Variants in SGCD observed in about 807,000 individuals in gnomAD.
The protein encoded by SGCD is sarcoglycan delta.
A neutral mutation model predicts 36.6 loss-of-function variants in SGCD; 18 were observed. The observed-to-expected ratio is 0.49, with a 90% confidence interval of 0.34 to 0.73. SGCD has a LOEUF of 0.73. Ranked by LOEUF, SGCD falls within the 30% of genes least tolerant of loss-of-function variation. The probability of loss-of-function intolerance (pLI) is 0.01; values close to 1 mark genes in which losing one functional copy is unlikely to be tolerated. For synonymous variants in SGCD, 133 were observed against 130.6 expected, an observed-to-expected ratio of 1.02 and a Z score of -0.12; for missense variants, 387 against 346.7, an observed-to-expected ratio of 1.12 and a Z score of -0.92.
intron 3 of SGCD, among the ~76,000 whole-genome samples, chr5:156,288,090 A>T (rs1766659791): frequency 6.6e-6 from 1 of 152,208 alleles, no homozygotes; most frequent in Admixed American, 6.5e-5. Flanking sequence ...CTTGAGACTT[A>T]TCATGTTCTT....
At chr5:156,326,949 G>C (rs1462233276), upstream of SGCD, 1 of 152,322 alleles carries the variant, frequency 6.6e-6, no homozygotes, top group Non-Finnish European at 1.5e-5. Context: ...GCTGGAGACA[G>C]CCCAGTAGCT....
the SGCD span, among the ~76,000 whole-genome samples, chr5:155,785,770 A>G: frequency 6.6e-6 from 1 of 152,200 alleles, no homozygotes; most frequent in African/African-American, 2.4e-5. Context: ...CTTTAAAAAT[A>G]CCCTGCTAGT....
chr5:156,594,374 A>G (rs1175905643), intron 5 of SGCD, among the ~76,000 whole-genome samples: 1 of 152,184 alleles, frequency 6.6e-6, no homozygotes, highest in African/African-American at 2.4e-5. Context: ...AGATTGAACA[A>G]CTTCTAAGGC....
chr5:156,502,103 G>A (rs1322878601), intron 3 of SGCD, among the ~76,000 whole-genome samples: 6 of 148,770 alleles, frequency 4.0e-5, no homozygotes, highest in Admixed American at 3.4e-4. Flanking sequence ...CTGGAGTGCA[G>A]TGGCACAATA....
intron 3 of SGCD, among the ~76,000 whole-genome samples, chr5:156,309,101 A>T (rs898666284): frequency 1.2e-4 from 18 of 151,980 alleles, no homozygotes; most frequent in African/African-American, 4.4e-4. Flanking sequence ...TGACAGTTTG[A>T]TTGTAATTTC....
chr5:156,737,493 T>C (rs897395330), intron 7 of SGCD, among the ~76,000 whole-genome samples: 2 of 152,180 alleles, frequency 1.3e-5, no homozygotes. Flanking sequence ...TTTAAAAAAT[T>C]AAGCTTGAGT....
chr5:155,911,614 T>C (rs1756631360), intron 1 of SGCD, among the ~76,000 whole-genome samples: 1 of 152,094 alleles, frequency 6.6e-6, no homozygotes, highest in Admixed American at 6.6e-5. Flanking sequence ...ATTCTACTTA[T>C]TTTGCTACTT....
At chr5:156,145,387 A>T (rs1201269119) in intron 3 of SGCD, among the ~76,000 whole-genome samples, 1 of 152,146 alleles carries the variant, frequency 6.6e-6, no homozygotes, top group East Asian at 1.9e-4. Context: ...AGCCAATTAA[A>T]TCTCTTTTCT....
At chr5:156,365,628 A>G (rs1389468514) in intron 3 of SGCD, among the ~76,000 whole-genome samples, 1 of 152,176 alleles carries the variant, frequency 6.6e-6, no homozygotes, top group African/African-American at 2.4e-5. Context: ...ACACATACAT[A>G]TACACAGATA....
At chr5:156,375,494 T>A (rs1428700884) in intron 3 of SGCD, among the ~76,000 whole-genome samples, 1 of 149,678 alleles carries the variant, frequency 6.7e-6, no homozygotes, top group Admixed American at 6.8e-5. Flanking sequence ...AGTGGGAAAA[T>A]GTGAGAGTGA....
chr5:156,433,979 T>C (rs1753137602), intron 3 of SGCD, among the ~76,000 whole-genome samples: 1 of 152,196 alleles, frequency 6.6e-6, no homozygotes, highest in African/African-American at 2.4e-5. Flanking sequence ...TCAAGTCTCA[T>C]TGCTCATGAT....
At chr5:155,920,482 A>C (rs1283551725) in intron 1 of SGCD, among the ~76,000 whole-genome samples, 1 of 151,934 alleles carries the variant, frequency 6.6e-6, no homozygotes, top group Admixed American at 6.6e-5. Context: ...TGAGCTGGGG[A>C]GTTGAATGTG....
chr5:155,934,370 T>C (rs1757157118), intron 1 of SGCD, among the ~76,000 whole-genome samples: 2 of 152,228 alleles, frequency 1.3e-5, no homozygotes, highest in South Asian at 4.1e-4. Context: ...GAAGCCTTTT[T>C]AACGATCTTT....
intron 3 of SGCD, among the ~76,000 whole-genome samples, chr5:156,474,131 C>A (rs1755083645): frequency 6.6e-6 from 1 of 152,120 alleles, no homozygotes; most frequent in Admixed American, 6.6e-5. Flanking sequence ...TTTATCCCAA[C>A]ATGGGTAGGG....
At chr5:156,069,693 G>C (rs774376791) in intron 1 of SGCD, among the ~76,000 whole-genome samples, 2 of 150,948 alleles carry the variant, frequency 1.3e-5, no homozygotes, top group Non-Finnish European at 2.9e-5. Context: ...GGATGGCATT[G>C]AATCTATAAA....
At chr5:155,964,341 C>A (rs1757857604) in intron 1 of SGCD, among the ~76,000 whole-genome samples, 1 of 151,794 alleles carries the variant, frequency 6.6e-6, no homozygotes, top group Non-Finnish European at 1.5e-5. Context: ...AATTCTTTAG[C>A]CTACTAACTT....
intron 7 of SGCD, among the ~76,000 whole-genome samples, chr5:156,752,442 G>C (rs10050975): frequency 0.073 from 11,025 of 152,054 alleles, 597 homozygotes; most frequent in African/African-American, 0.15. Context: ...TCCCAGGCTA[G>C]AGTGCAGTGG....
chr5:155,931,500 T>C (rs926563049), intron 1 of SGCD, among the ~76,000 whole-genome samples: 1 of 152,336 alleles, frequency 6.6e-6, no homozygotes, highest in Middle Eastern at 3.4e-3. Flanking sequence ...ATTTATACAA[T>C]TGTTTCTCTA....
chr5:155,899,553 A>G (rs929873777), intron 1 of SGCD, among the ~76,000 whole-genome samples: 9 of 152,164 alleles, frequency 5.9e-5, no homozygotes, highest in African/African-American at 2.2e-4. Context: ...GTTTCTTCCC[A>G]TGTGCTGGGA....
Sources: gnomAD v4.1 joint callset for allele counts (sites outside exome capture counted in the v4.1 genomes callset) on GRCh38, gnomAD v4.1.1 for gene constraint, MANE v1.5 for transcripts, NCBI Gene and HGNC (gene_info 2026-07-23, HGNC 2026-07-21) for gene names.